The following TMTC1 variants were observed in gnomAD, a reference collection of about 807,000 sequenced individuals.
The protein encoded by TMTC1 is protein O-mannosyl-transferase TMTC1.
A neutral mutation model predicts 104.8 loss-of-function variants in TMTC1; 73 were observed. That is an observed-to-expected ratio of 0.70 (90% CI 0.58 to 0.85). The LOEUF (loss-of-function observed/expected upper bound fraction) is 0.85. Ranked by LOEUF, TMTC1 falls within the 40% of genes least tolerant of loss-of-function variation. The pLI is 0.00. For missense variants in TMTC1, 1,035 were observed against 1,096.1 expected, an observed-to-expected ratio of 0.94 and a Z score of 0.79; for synonymous variants, 434 against 428.7, an observed-to-expected ratio of 1.01 and a Z score of -0.15.
intron 5 of TMTC1, among the ~76,000 whole-genome samples, chr12:29,659,264 A>G (rs7314058): frequency 6.6e-6 from 1 of 152,058 alleles, no homozygotes; most frequent in Non-Finnish European, 1.5e-5. Flanking sequence ...TTGTCCCCAC[A>G]AAATCTCATA....
intron 11 of TMTC1, among the ~76,000 whole-genome samples, chr12:29,527,976 G>C (rs776419856): frequency 2.2e-4 from 34 of 152,080 alleles, no homozygotes; most frequent in Non-Finnish European, 4.6e-4. Flanking sequence ...TCTATGAAAA[G>C]GTCTTTAAGA....
intron 7 of TMTC1, among the ~76,000 whole-genome samples, chr12:29,593,868 C>G (rs1258684933): frequency 6.6e-6 from 1 of 152,200 alleles, no homozygotes; most frequent in African/African-American, 2.4e-5. Context: ...TTTCTGAACC[C>G]TAAGCAACTA....
intron 6 of TMTC1, chr12:29,613,954 GAC>G: frequency 1.0e-6 from 1 of 980,304 alleles, no homozygotes; most frequent in Non-Finnish European, 1.2e-6. Flanking sequence ...TCATACAGAA[GAC>G]AGTCCCTTTG....
chr12:29,569,636 G>C (rs146116450), intron 9 of TMTC1, among the ~76,000 whole-genome samples: 4 of 152,254 alleles, frequency 2.6e-5, no homozygotes, highest in African/African-American at 9.6e-5. Flanking sequence ...AATAGCTCTG[G>C]TATTTTCCTT....
intron 5 of TMTC1, among the ~76,000 whole-genome samples, chr12:29,702,232 C>T (rs954239315): frequency 6.6e-6 from 1 of 152,148 alleles, no homozygotes; most frequent in African/African-American, 2.4e-5. Flanking sequence ...CACCCACCTT[C>T]ATTTACCTTC....
chr12:29,510,815 A>C (rs766689738), intron 17 of TMTC1, among the ~76,000 whole-genome samples: 8 of 152,166 alleles, frequency 5.3e-5, no homozygotes, highest in Non-Finnish European at 1.2e-4. Flanking sequence ...TCTCTGCTCA[A>C]AGTCCTCCAA....
chr12:29,758,964 G>A (rs1029759908), intron 2 of TMTC1, among the ~76,000 whole-genome samples, 187 bp from the exon 3 acceptor site: 3 of 151,996 alleles, frequency 2.0e-5, no homozygotes, highest in East Asian at 1.9e-4. Context: ...ATTTAATAAC[G>A]AGTTTATGTA....
intron 5 of TMTC1, among the ~76,000 whole-genome samples, chr12:29,644,111 ATGTGTGTGTGTGTGTGTGTGTG>A (rs371107912): frequency 1.3e-5 from 1 of 74,462 alleles, no homozygotes. Flanking sequence ...ATAAATATAT[ATGTGTGTGTGTGTGTGTGTGTG>A]TGTGTGTGTG....
chr12:29,653,825 A>T (rs887276371), intron 5 of TMTC1, among the ~76,000 whole-genome samples: 12 of 152,350 alleles, frequency 7.9e-5, no homozygotes, highest in African/African-American at 2.6e-4. Context: ...TCTACCTTAC[A>T]TCTTGATATA....
chr12:29,586,506 C>G (rs1198382375), intron 7 of TMTC1, among the ~76,000 whole-genome samples: 1 of 152,140 alleles, frequency 6.6e-6, no homozygotes, highest in African/African-American at 2.4e-5. Flanking sequence ...ACATCCCTGT[C>G]TTGTGCCAGT....
intron 5 of TMTC1, among the ~76,000 whole-genome samples, chr12:29,659,016 C>T (rs981681120): frequency 6.6e-6 from 1 of 152,164 alleles, no homozygotes; most frequent in Non-Finnish European, 1.5e-5. Context: ...CTTCTTGACC[C>T]AAATCCCTCA....
At chr12:29,665,207 C>CCTT (rs1360652840) in intron 5 of TMTC1, among the ~76,000 whole-genome samples, 3 of 152,038 alleles carry the variant, frequency 2.0e-5, no homozygotes, top group African/African-American at 7.2e-5. Context: ...ATTAGTTGAC[C>CCTT]CTTCACCTGG....
rs1379507759 is a variant in TMTC1 at position 29,783,782 on chromosome 12, T to G, written c.-31A>C. 8.8e-7 allele frequency: 1 copy of G among 1,131,664 alleles called. No homozygotes were observed. The highest frequency in any genetic ancestry group is 1.1e-6 in the Non-Finnish European group (1 of 926,124). The allele number at this position is 1,131,664 out of a possible 1,614,324, so 70.1% of individuals were successfully genotyped here. A position where few individuals can be genotyped will look rare whatever the true frequency, so the allele number is the denominator to read the frequency against. On this transcript the variant is annotated 5_prime_UTR_variant, in exon 1 of 18. Coordinates refer to ENST00000539277, the MANE Select transcript of TMTC1 (RefSeq NM_001193451.2). This position sits in a 1 kb window ranked among gnomAD's most constrained non-coding sequence, Gnocchi z 4.7. The stretch of plus-strand genomic sequence containing the variant: ...CGCCGCCGCCGCTGCTGCCCTGGCC[T>G]CTCCCGGGCGTCTGGCATCCTCCCC...
intron 5 of TMTC1, among the ~76,000 whole-genome samples, chr12:29,713,300 TAC>T (rs10574727): frequency 0.14 from 18,919 of 134,318 alleles, 1,269 homozygotes; most frequent in Admixed American, 0.23. Flanking sequence ...CATAAACACA[TAC>T]ACACACACAC....
intron 5 of TMTC1, among the ~76,000 whole-genome samples, chr12:29,728,264 C>G (rs1426439900): frequency 1.3e-5 from 2 of 152,120 alleles, no homozygotes; most frequent in Non-Finnish European, 2.9e-5. Flanking sequence ...AAACAGCTGA[C>G]AGCAGAGTAC....
intron 6 of TMTC1, among the ~76,000 whole-genome samples, chr12:29,607,744 G>C (rs1042511795): frequency 1.3e-5 from 2 of 152,160 alleles, no homozygotes; most frequent in Admixed American, 6.5e-5. Context: ...TACTTGGACA[G>C]GCAATATTAT....
chr12:29,659,667 T>C (rs557172173), intron 5 of TMTC1, among the ~76,000 whole-genome samples: 20 of 152,302 alleles, frequency 1.3e-4, no homozygotes, highest in African/African-American at 4.6e-4. Context: ...AGTTAAATAT[T>C]TGTTGAATAA....
At chr12:29,534,371 T>C (rs299452) in intron 11 of TMTC1, 1 of 152,244 alleles carries the variant, frequency 6.6e-6, no homozygotes, top group Non-Finnish European at 1.5e-5. Context: ...TCCATTCTTA[T>C]ATCTCACATC....
At chr12:29,745,396 G>C (rs901201813) in intron 5 of TMTC1, among the ~76,000 whole-genome samples, 48 of 152,180 alleles carry the variant, frequency 3.2e-4, no homozygotes, top group African/African-American at 1.1e-3. Flanking sequence ...GCCAAGGCGG[G>C]CAGATCACCC....
Sources: gnomAD v4.1 joint callset for allele counts (sites outside exome capture counted in the v4.1 genomes callset) on GRCh38, gnomAD v4.1.1 for gene constraint, Gnocchi (gnomAD v3.1) non-coding constraint, MANE v1.5 for transcripts, NCBI Gene and HGNC (gene_info 2026-07-23, HGNC 2026-07-21) for gene names.